Variants in CSMD1 observed in about 807,000 individuals in gnomAD.
CSMD1 encodes the protein CUB and Sushi multiple domains 1, also known as CUB and sushi domain-containing protein 1.
A neutral mutation model predicts 417.5 loss-of-function variants in CSMD1; 213 were observed. The ratio of observed to expected loss-of-function variants is 0.51; its 90% CI spans 0.46 to 0.57. CSMD1 has a LOEUF of 0.57. Ranked by LOEUF, CSMD1 falls within the 20% of genes least tolerant of loss-of-function variation. The pLI is 0.00. For missense variants in CSMD1, 6,923 were observed against 4,529.7 expected (o/e 1.53, Z -15.17); for synonymous variants, 2,862 against 1,736.8 (o/e 1.65, Z -16.11).
At chr8:3,269,461 C>G (rs781118008) in intron 26 of CSMD1, among the ~76,000 whole-genome samples, 3 of 152,248 alleles carry the variant, frequency 2.0e-5, no homozygotes, top group South Asian at 4.1e-4. Context: ...CCAAAGGCCT[C>G]TCCTGTAATA....
intron 49 of CSMD1, among the ~76,000 whole-genome samples, chr8:3,062,816 C>G (rs2128994492): frequency 6.6e-6 from 1 of 152,286 alleles, no homozygotes; most frequent in African/African-American, 2.4e-5. Flanking sequence ...AATGTTTACT[C>G]AGGGGTAAAT....
chr8:4,208,001 T>G (rs556377437), intron 3 of CSMD1, among the ~76,000 whole-genome samples: 11 of 152,222 alleles, frequency 7.2e-5, no homozygotes, highest in Admixed American at 3.3e-4. Context: ...AGAGAAAAGT[T>G]TAAAACCTAA....
intron 3 of CSMD1, among the ~76,000 whole-genome samples, chr8:4,039,605 C>G (rs1292143184): frequency 1.3e-5 from 2 of 152,086 alleles, no homozygotes; most frequent in Non-Finnish European, 2.9e-5. Flanking sequence ...GTCTCATTCT[C>G]CAGGATGAGG....
chr8:3,624,407 T>A (rs1796397068), intron 7 of CSMD1, among the ~76,000 whole-genome samples: 2 of 152,230 alleles, frequency 1.3e-5, no homozygotes. Flanking sequence ...TGATTTATAT[T>A]TGGAATAAAT....
chr8:3,752,238 C>A (rs1040900666), intron 6 of CSMD1, among the ~76,000 whole-genome samples: 14 of 150,228 alleles, frequency 9.3e-5, no homozygotes, highest in Non-Finnish European at 1.9e-4. Flanking sequence ...AGGGAAAGCA[C>A]ATTAATTTCA....
chr8:3,389,100 T>G (rs35484775), intron 17 of CSMD1, among the ~76,000 whole-genome samples: 6 of 152,308 alleles, frequency 3.9e-5, no homozygotes, highest in African/African-American at 1.4e-4. Flanking sequence ...GGTGAATGAT[T>G]TTTTGTTGTT....
At chr8:4,814,542 T>C (rs557256923) in intron 1 of CSMD1, among the ~76,000 whole-genome samples, 6 of 152,262 alleles carry the variant, frequency 3.9e-5, no homozygotes, top group African/African-American at 7.2e-5. Context: ...GTAATAATAA[T>C]AGATTAATTA....
intron 3 of CSMD1, among the ~76,000 whole-genome samples, chr8:4,305,199 C>T (rs1403042946): frequency 1.3e-5 from 2 of 152,184 alleles, no homozygotes; most frequent in Non-Finnish European, 2.9e-5. Context: ...TTCACAAACA[C>T]ACTCCCCAAC....
chr8:4,658,435 C>A (rs2130913691), intron 1 of CSMD1, among the ~76,000 whole-genome samples: 1 of 152,160 alleles, frequency 6.6e-6, no homozygotes, highest in South Asian at 2.1e-4. Context: ...AGGCCAGAAG[C>A]AAGTGGCAGT....
rs191301439 is a variant in CSMD1, at chr8:3,383,000, C to T, written c.2782+4494G>A. On this transcript the variant is annotated intron_variant, in intron 18 of 69. Transcript: ENST00000635120. Reference sequence around the variant, plus strand: ...AAACGCTGTGACAAAGTCAGCCGAACAATGAGAGGAGAAACAGGATCTCAA... The same window carrying T: ...AAACGCTGTGACAAAGTCAGCCGAATAATGAGAGGAGAAACAGGATCTCAA... 3.9e-5 allele frequency among the ~76,000 whole-genome samples: 6 copies of T among 152,230 alleles called. No individual in the cohort carries two copies. In the East Asian group the frequency reaches 1.2e-3, roughly 29 times the overall value.
At chr8:3,633,549 G>A (rs1300207303) in intron 7 of CSMD1, among the ~76,000 whole-genome samples, 3 of 152,204 alleles carry the variant, frequency 2.0e-5, no homozygotes, top group East Asian at 3.9e-4. Flanking sequence ...AGTGGTGCAC[G>A]CACGTCAAAA....
intron 1 of CSMD1, among the ~76,000 whole-genome samples, chr8:4,896,704 A>C (rs1033100176): frequency 6.6e-6 from 1 of 152,066 alleles, no homozygotes; most frequent in Non-Finnish European, 1.5e-5. Flanking sequence ...AAGATCCAAG[A>C]CTTCAAGCTT....
chr8:4,102,695 G>C (rs1051381319), intron 3 of CSMD1, among the ~76,000 whole-genome samples: 2 of 152,136 alleles, frequency 1.3e-5, no homozygotes, highest in African/African-American at 4.8e-5. Flanking sequence ...TACTGATAAT[G>C]TTCTCCTAAA....
intron 3 of CSMD1, among the ~76,000 whole-genome samples, chr8:4,081,963 T>C (rs1800159529): frequency 6.6e-6 from 1 of 152,060 alleles, no homozygotes; most frequent in South Asian, 2.1e-4. Context: ...ATAAACTCAA[T>C]TATTTAAGAT....
At chr8:3,466,264 C>T (rs1045176231) in intron 12 of CSMD1, among the ~76,000 whole-genome samples, 10 of 151,656 alleles carry the variant, frequency 6.6e-5, no homozygotes, top group African/African-American at 2.4e-4. Flanking sequence ...CACTAAGGTT[C>T]AGTTACTGGG....
chr8:3,951,305 C>T (rs1480357037), intron 5 of CSMD1, among the ~76,000 whole-genome samples: 1 of 152,172 alleles, frequency 6.6e-6, no homozygotes, highest in Admixed American at 6.5e-5. Context: ...TCTTCCATGG[C>T]ACCTTCTCCT....
intron 7 of CSMD1, among the ~76,000 whole-genome samples, chr8:3,674,790 G>A (rs886291153): frequency 7.2e-5 from 11 of 152,264 alleles, no homozygotes; most frequent in African/African-American, 2.6e-4. Flanking sequence ...AGTTTTCAAA[G>A]AGGTGAAACC....
chr8:4,788,168 G>T (rs1394507142), intron 1 of CSMD1: 8 of 1,596,868 alleles, frequency 5.0e-6, no homozygotes, highest in African/African-American at 4.0e-5. Flanking sequence ...AAATCAAGAA[G>T]GCCTGTGGAA....
intron 2 of CSMD1, among the ~76,000 whole-genome samples, chr8:4,471,607 A>T (rs1241053924): frequency 6.6e-6 from 1 of 152,136 alleles, no homozygotes; most frequent in African/African-American, 2.4e-5. Flanking sequence ...AAAACAACCC[A>T]GAACATTACA....
Sources: allele counts gnomAD v4.1 joint callset (sites outside exome capture counted in the v4.1 genomes callset), GRCh38; gene constraint gnomAD v4.1.1; transcripts MANE v1.5; gene names NCBI Gene and HGNC (gene_info 2026-07-23, HGNC 2026-07-21).